SFMBT1: variants seen among roughly 807,000 people sequenced by gnomAD.
SFMBT1 encodes the protein scm-like with four MBT domains protein 1.
SFMBT1 carries 32 observed loss-of-function variants against 108.7 expected under a neutral mutation model. That is an observed-to-expected ratio of 0.29 (90% confidence interval 0.22 to 0.40). The LOEUF (loss-of-function observed/expected upper bound fraction) is 0.40, where lower values mean the gene tolerates loss of function less well. Ranked by LOEUF, SFMBT1 falls within the 10% of genes least tolerant of loss-of-function variation. The pLI, the probability that SFMBT1 is intolerant of heterozygous loss-of-function variation, is 1.00. For synonymous variants in SFMBT1, 348 were observed against 369.5 expected (o/e 0.94, Z 0.67); for missense variants, 816 against 1,059.6 (o/e 0.77, Z 3.19).
intron 1 of SFMBT1, among the ~76,000 whole-genome samples, chr3:53,041,697 TCAAAAAAAAAA>T (rs1419976933): frequency 1.0e-4 from 2 of 19,282 alleles, no homozygotes; most frequent in African/African-American, 3.2e-4. Flanking sequence ...AAAGTCTGTC[TCAAAAAAAAAA>T]AAAAAAAAAA....
Position 52,903,799 on chromosome 3 carries a change from C to T in SFMBT1, c.*1337G>A, listed in dbSNP as rs1331699975. On this transcript the variant is annotated 3_prime_UTR_variant, in exon 21 of 21. Coordinates refer to ENST00000394752, the MANE Select transcript of SFMBT1 (RefSeq NM_016329.4). The stretch of plus-strand genomic sequence containing the variant: ...AGCAAACGCTATTATTCTATAATAG[C>T]TAGCAATGGAATAGTAAGTGAAAAT... 1 of 152,164 alleles carries T rather than the reference C, an allele frequency of 6.6e-6. No homozygotes were observed. Among genetic ancestry groups the T allele is most frequent in the Non-Finnish European group, 1.5e-5 (1 of 68,022 alleles). 9.4% of individuals were successfully genotyped at this position (152,164 alleles called of 1,614,324 possible).
At chr3:52,964,985 C>G (rs1704083456) in intron 2 of SFMBT1, among the ~76,000 whole-genome samples, 1 of 152,008 alleles carries the variant, frequency 6.6e-6, no homozygotes, top group African/African-American at 2.4e-5. Context: ...ACCCACTCTC[C>G]CATAAAAGAA....
chr3:52,995,031 G>A, intron 1 of SFMBT1, among the ~76,000 whole-genome samples: 3 of 136,624 alleles, frequency 2.2e-5, no homozygotes, highest in Non-Finnish European at 3.2e-5. Flanking sequence ...AGAAAAGAAA[G>A]CAAGAAAAAA....
chr3:52,967,181 T>C (rs956317286), intron 2 of SFMBT1, among the ~76,000 whole-genome samples: 12 of 152,118 alleles, frequency 7.9e-5, no homozygotes, highest in Non-Finnish European at 1.0e-4. Flanking sequence ...AAAGGCAGAC[T>C]TGAATCCAAA....
intron 16 of SFMBT1, 97 bp downstream of exon 16, chr3:52,912,441 G>T: frequency 2.0e-6 from 2 of 988,640 alleles, no homozygotes; most frequent in South Asian, 1.4e-5. Context: ...GCCTCCCAAA[G>T]TGCTGGGATT....
intron 1 of SFMBT1, among the ~76,000 whole-genome samples, chr3:52,985,706 G>A (rs943003046): frequency 5.3e-5 from 8 of 152,064 alleles, no homozygotes; most frequent in Admixed American, 4.6e-4. Flanking sequence ...TAGATGGTGC[G>A]GCCTACTATA....
intron 1 of SFMBT1, among the ~76,000 whole-genome samples, chr3:52,978,186 C>T (rs1297614660): frequency 1.5e-4 from 23 of 151,900 alleles, no homozygotes; most frequent in Non-Finnish European, 7.4e-5. Context: ...GGAGGTTTCA[C>T]TGAGAAGGTA....
chr3:53,041,379 C>T (rs1414937904), intron 1 of SFMBT1, among the ~76,000 whole-genome samples: 1 of 152,086 alleles, frequency 6.6e-6, no homozygotes, highest in African/African-American at 2.4e-5. Flanking sequence ...GAATCTGCAA[C>T]AACCTGACCA....
chr3:52,946,767 G>T (rs1703381175), intron 3 of SFMBT1, among the ~76,000 whole-genome samples: 2 of 134,910 alleles, frequency 1.5e-5, no homozygotes, highest in Non-Finnish European at 3.1e-5. Flanking sequence ...AAATCCTTTT[G>T]CTCCATTCCT....
intron 1 of SFMBT1, among the ~76,000 whole-genome samples, chr3:53,006,898 G>A (rs1254858248): frequency 6.6e-6 from 1 of 152,158 alleles, no homozygotes; most frequent in East Asian, 1.9e-4. Flanking sequence ...TGCTGCTCCG[G>A]GCAGTTCCTT....
At chr3:53,017,376 C>T (rs1037189066) in intron 1 of SFMBT1, among the ~76,000 whole-genome samples, 1 of 152,144 alleles carries the variant, frequency 6.6e-6, no homozygotes, top group Non-Finnish European at 1.5e-5. Context: ...TTTGGCAGTT[C>T]TTTTATTAAT....
At chr3:53,024,203 G>C (rs1699407932) in intron 1 of SFMBT1, among the ~76,000 whole-genome samples, 1 of 152,216 alleles carries the variant, frequency 6.6e-6, no homozygotes, top group African/African-American at 2.4e-5. Context: ...GCGTGTCACA[G>C]TCGGGTGGTG....
intron 1 of SFMBT1, among the ~76,000 whole-genome samples, chr3:52,991,361 T>TTTTTTTTTA (rs1705118670): frequency 4.7e-5 from 7 of 147,390 alleles, no homozygotes; most frequent in Admixed American, 6.8e-5. Context: ...TTTTTTTTTT[T>TTTTTTTTTA]GAGATGGAGT....
intron 1 of SFMBT1, among the ~76,000 whole-genome samples, chr3:53,002,740 C>T (rs1427169111): frequency 3.3e-5 from 5 of 150,314 alleles, no homozygotes; most frequent in African/African-American, 9.7e-5. Context: ...AAACTTGAAG[C>T]AGGAATTTTC....
At chr3:53,024,926 A>G (rs561227357) in intron 1 of SFMBT1, among the ~76,000 whole-genome samples, 1 of 152,346 alleles carries the variant, frequency 6.6e-6, no homozygotes, top group South Asian at 2.1e-4. Flanking sequence ...GCCATTATAT[A>G]TAAGAATATA....
intron 5 of SFMBT1, among the ~76,000 whole-genome samples, chr3:52,932,768 G>A (rs944748600): frequency 1.3e-5 from 2 of 151,890 alleles, no homozygotes; most frequent in South Asian, 2.1e-4. Context: ...AAAATTAGTC[G>A]GGCATGGTGG....
intron 4 of SFMBT1, among the ~76,000 whole-genome samples, chr3:52,942,315 ACT>A (rs1703209498): frequency 6.6e-6 from 1 of 152,132 alleles, no homozygotes; most frequent in African/African-American, 2.4e-5. Context: ...TCTAAAACTG[ACT>A]CTCATGTGGT....
chr3:52,907,037 A>G (rs749172047), intron 19 of SFMBT1, 32 bp downstream of exon 19: 17 of 1,577,980 alleles, frequency 1.1e-5, no homozygotes, highest in Non-Finnish European at 1.5e-5. Context: ...AGAGAGAAAG[A>G]AAGAAAAAAG....
At chr3:52,979,870 T>C (rs566803843) in intron 1 of SFMBT1, among the ~76,000 whole-genome samples, 1 of 152,188 alleles carries the variant, frequency 6.6e-6, no homozygotes, top group African/African-American at 2.4e-5. Flanking sequence ...AGTGTGTAGA[T>C]AGCCAGCAAT....
Sources: gnomAD v4.1 joint callset for allele counts (sites outside exome capture counted in the v4.1 genomes callset) on GRCh38, gnomAD v4.1.1 for gene constraint, MANE v1.5 for transcripts, NCBI Gene and HGNC (gene_info 2026-07-23, HGNC 2026-07-21) for gene names.